Variants in PALM2AKAP2 observed in about 807,000 individuals in gnomAD.
PALM2AKAP2 encodes PALM2-AKAP2 fusion protein.
Under a neutral mutation model 71.5 loss-of-function variants are expected in PALM2AKAP2, and 37 were observed. The observed-to-expected ratio is 0.52, with a 90% CI of 0.40 to 0.68. PALM2AKAP2 has a LOEUF of 0.68. Among genes scored for constraint, PALM2AKAP2 ranks in the 30% least tolerant of loss-of-function variants. The pLI is 0.00. For missense variants in PALM2AKAP2, 1,224 were observed against 1,191.8 expected, an observed-to-expected ratio of 1.03 and a Z score of -0.40; for synonymous variants, 468 against 478.8, an observed-to-expected ratio of 0.98 and a Z score of 0.29.
chr9:109,811,740 T>TA (rs1564159734), intron 1 of PALM2AKAP2, among the ~76,000 whole-genome samples: 3 of 151,938 alleles, frequency 2.0e-5, no homozygotes, highest in Non-Finnish European at 4.4e-5. Flanking sequence ...CCTGGCTAAT[T>TA]AAAAAAAATT....
intron 6 of PALM2AKAP2, among the ~76,000 whole-genome samples, chr9:110,012,112 GC>G (rs1197255078): frequency 6.6e-6 from 1 of 152,032 alleles, no homozygotes; most frequent in Non-Finnish European, 1.5e-5. Context: ...GACCAACGTG[GC>G]AAAACCCTGT....
chr9:110,134,388 T>C (rs1835801391), intron 1 of PALM2AKAP2, among the ~76,000 whole-genome samples: 1 of 152,182 alleles, frequency 6.6e-6, no homozygotes, highest in South Asian at 2.1e-4. Context: ...GTATCACTCC[T>C]TAACAAAGAC....
chr9:109,645,563 C>T (rs115298620), intron 1 of PALM2AKAP2, among the ~76,000 whole-genome samples: 1 of 147,806 alleles, frequency 6.8e-6, no homozygotes, highest in Non-Finnish European at 1.5e-5. Flanking sequence ...AAAAAAAAAA[C>T]CCCAGCCATA....
intron 1 of PALM2AKAP2, among the ~76,000 whole-genome samples, chr9:109,804,216 C>A (rs1827514998): frequency 6.6e-6 from 1 of 152,068 alleles, no homozygotes; most frequent in African/African-American, 2.4e-5. Flanking sequence ...TTACCATCTC[C>A]TGCAGTTTTT....
At chr9:110,046,532 G>T (rs1308587326), upstream of PALM2AKAP2, among the ~76,000 whole-genome samples, 2 of 143,448 alleles carry the variant, frequency 1.4e-5, no homozygotes, top group Admixed American at 1.5e-4. Context: ...GCAATGGCAC[G>T]ATCTCGGCTC....
At chr9:110,069,023 C>A (rs770363927) in intron 1 of PALM2AKAP2, among the ~76,000 whole-genome samples, 72 of 152,094 alleles carry the variant, frequency 4.7e-4, no homozygotes, top group Non-Finnish European at 9.3e-4. Context: ...ACTTAATTTG[C>A]AAAATGTTTT....
intron 1 of PALM2AKAP2, among the ~76,000 whole-genome samples, chr9:109,791,464 G>A (rs753531046): frequency 2.0e-5 from 3 of 152,126 alleles, no homozygotes; most frequent in Admixed American, 6.5e-5. Context: ...AGTGGAGGGA[G>A]CCTTTTCCAG....
chr9:109,652,451 C>A (rs1441060608), intron 1 of PALM2AKAP2, among the ~76,000 whole-genome samples: 1 of 152,196 alleles, frequency 6.6e-6, no homozygotes, highest in Non-Finnish European at 1.5e-5. Flanking sequence ...CTTCCTGAGG[C>A]CTCACCAGAA....
intron 1 of PALM2AKAP2, among the ~76,000 whole-genome samples, chr9:109,832,823 A>G (rs1828341180): frequency 6.6e-6 from 1 of 152,112 alleles, no homozygotes; most frequent in East Asian, 1.9e-4. Flanking sequence ...TAAAATGCAA[A>G]TCTCTGAGCC....
At position 109,917,744 on chromosome 9, in the gene PALM2AKAP2, T is replaced by C. The variant is rs367878692; in HGVS notation, c.258-5991T>C. On this transcript the variant is annotated intron_variant, in intron 3 of 9. Transcript: ENST00000302798. Reference sequence around the variant, plus strand: ...CCTGGGCTCAAGCAATCCTCCAGCCTCAGTCTCCCAAAGTGCTGGGATTAC... The same window carrying C: ...CCTGGGCTCAAGCAATCCTCCAGCCCCAGTCTCCCAAAGTGCTGGGATTAC... Among the ~76,000 whole-genome samples, 60 of 152,294 alleles carry C rather than the reference T, an allele frequency of 3.9e-4. No homozygotes were observed. The South Asian group carries it at 0.012, about 32-fold the overall frequency.
chr9:109,807,151 A>AG (rs1827598284), intron 1 of PALM2AKAP2, among the ~76,000 whole-genome samples: 1 of 103,676 alleles, frequency 9.6e-6, no homozygotes, highest in Admixed American at 9.0e-5. Flanking sequence ...TGAGAGAGAG[A>AG]AAAAAAAGTC....
chr9:109,675,128 A>G (rs751462764), intron 1 of PALM2AKAP2, among the ~76,000 whole-genome samples: 4 of 152,094 alleles, frequency 2.6e-5, no homozygotes, highest in Non-Finnish European at 5.9e-5. Flanking sequence ...TAGGTGTATT[A>G]AGTGCATTTT....
chr9:109,698,460 G>C (rs1341467203), intron 1 of PALM2AKAP2, among the ~76,000 whole-genome samples: 1 of 152,068 alleles, frequency 6.6e-6, no homozygotes, highest in Non-Finnish European at 1.5e-5. Flanking sequence ...TGTATTTTTA[G>C]TAGAGACAGA....
intron 1 of PALM2AKAP2, among the ~76,000 whole-genome samples, chr9:110,056,877 A>G (rs1833852545): frequency 6.6e-6 from 1 of 152,208 alleles, no homozygotes; most frequent in Non-Finnish European, 1.5e-5. Flanking sequence ...TTTCATTATC[A>G]AAACCATCTA....
intron 1 of PALM2AKAP2, among the ~76,000 whole-genome samples, chr9:109,669,504 G>A (rs1827543788): frequency 6.6e-6 from 1 of 152,060 alleles, no homozygotes; most frequent in Admixed American, 6.5e-5. Context: ...TTCTGAAAGA[G>A]TTTAGGTTGA....
intron 6 of PALM2AKAP2, among the ~76,000 whole-genome samples, chr9:109,978,891 G>A (rs1002286863): frequency 6.6e-6 from 1 of 152,120 alleles, no homozygotes; most frequent in South Asian, 2.1e-4. Flanking sequence ...CTCTGACTGA[G>A]CTGGCAGATG....
chr9:110,008,677 C>G (rs534675751), intron 6 of PALM2AKAP2, among the ~76,000 whole-genome samples: 1 of 152,128 alleles, frequency 6.6e-6, no homozygotes, highest in South Asian at 2.1e-4. Context: ...TGGCTTCAAA[C>G]AATAGCAGTT....
At chr9:109,882,116 C>A (rs1225209492) in intron 3 of PALM2AKAP2, among the ~76,000 whole-genome samples, 2 of 152,036 alleles carry the variant, frequency 1.3e-5, no homozygotes, top group African/African-American at 4.8e-5. Context: ...ATCTCTTGAC[C>A]TTGTGATCCA....
chr9:110,056,164 GAGGTGTGTGTAGA>G (rs1833835608), intron 1 of PALM2AKAP2, among the ~76,000 whole-genome samples: 1 of 152,220 alleles, frequency 6.6e-6, no homozygotes. Context: ...CCCACCTGGT[GAGGTGTGTGTAGA>G]AGGTGTGAGG....
Sources: gnomAD v4.1 joint callset for allele counts (sites outside exome capture counted in the v4.1 genomes callset) on GRCh38, gnomAD v4.1.1 for gene constraint, MANE v1.5 for transcripts, NCBI Gene and HGNC (gene_info 2026-07-23, HGNC 2026-07-21) for gene names.